TLK1: variants seen among roughly 807,000 people sequenced by gnomAD.
TLK1 encodes the protein serine/threonine-protein kinase tousled-like 1.
TLK1 carries 24 observed loss-of-function variants against 105.3 expected under a neutral mutation model. That is an observed-to-expected ratio of 0.23 (90% confidence interval 0.17 to 0.32). TLK1 has a LOEUF of 0.32. Among genes scored for constraint, TLK1 ranks in the 10% least tolerant of loss-of-function variants. TLK1 has a pLI of 1.00. For missense variants in TLK1, 558 were observed against 910.5 expected (o/e 0.61, Z 4.98); for synonymous variants, 321 against 310.4 (o/e 1.03, Z -0.36).
intron 3 of TLK1, among the ~76,000 whole-genome samples, chr2:171,081,473 G>A (rs1227444240): frequency 6.6e-6 from 1 of 152,108 alleles, no homozygotes; most frequent in Non-Finnish European, 1.5e-5. Context: ...AAAATATCAA[G>A]AAATGTTCCA....
chr2:171,208,901 C>T (rs1234615781), intron 1 of TLK1, among the ~76,000 whole-genome samples: 1 of 152,224 alleles, frequency 6.6e-6, no homozygotes, highest in Admixed American at 6.5e-5. Context: ...CTTAGCAATA[C>T]ATCTGTACTT....
intron 3 of TLK1, among the ~76,000 whole-genome samples, chr2:171,062,293 C>CT (rs1575564339): frequency 6.6e-6 from 1 of 152,226 alleles, no homozygotes; most frequent in East Asian, 1.9e-4. Context: ...TCTTACTAAA[C>CT]AACTTAAAAT....
chr2:171,075,371 T>A (rs977977877), intron 3 of TLK1, among the ~76,000 whole-genome samples: 1 of 152,144 alleles, frequency 6.6e-6, no homozygotes, highest in Non-Finnish European at 1.5e-5. Flanking sequence ...TAATTTAAGG[T>A]CAGTGGATAA....
intron 1 of TLK1, among the ~76,000 whole-genome samples, chr2:171,137,556 G>A (rs147701008): frequency 6.6e-6 from 1 of 151,962 alleles, no homozygotes; most frequent in Non-Finnish European, 1.5e-5. Flanking sequence ...TCAGTTTTAA[G>A]ATAAACTTTC....
chr2:171,044,458 G>C (rs866469495), intron 11 of TLK1, among the ~76,000 whole-genome samples: 8 of 152,088 alleles, frequency 5.3e-5, no homozygotes, highest in South Asian at 2.1e-4. Context: ...AGTAAATATA[G>C]TTTTGAACAG....
intron 12 of TLK1, among the ~76,000 whole-genome samples, chr2:171,015,700 T>TAC (rs1283801185): frequency 0.018 from 59 of 3,272 alleles, no homozygotes; most frequent in African/African-American, 0.03. Context: ...CACACACACA[T>TAC]ATACACACAC....
chr2:171,065,541 CT>C (rs34975890), intron 3 of TLK1, among the ~76,000 whole-genome samples: 113,768 of 140,284 alleles, frequency 0.81, 47,253 homozygotes, highest in East Asian at 0.99. Context: ...GCTATTCTTT[CT>C]TTTTTTTTTT....
intron 2 of TLK1, among the ~76,000 whole-genome samples, chr2:171,083,815 A>C (rs920811484): frequency 5.9e-5 from 9 of 152,214 alleles, no homozygotes; most frequent in African/African-American, 2.2e-4. Context: ...AGCTGCTGTC[A>C]ACAAAGGATA....
intron 13 of TLK1, among the ~76,000 whole-genome samples, chr2:171,013,510 T>C (rs1685030515): frequency 1.3e-5 from 2 of 151,866 alleles, no homozygotes; most frequent in South Asian, 4.2e-4. Context: ...TTTTCCACCT[T>C]GCTGAGGCTC....
At chr2:171,029,157 A>G (rs1685917946) in intron 11 of TLK1, among the ~76,000 whole-genome samples, 1 of 152,242 alleles carries the variant, frequency 6.6e-6, no homozygotes, top group African/African-American at 2.4e-5. Context: ...ATAGATTTGC[A>G]GGCCAAGTCA....
At chr2:170,997,975 T>C in intron 18 of TLK1, 152 bp from the exon 19 acceptor site, 7 of 488,940 alleles carry the variant, frequency 1.4e-5, no homozygotes, top group Non-Finnish European at 2.6e-5. Flanking sequence ...CTGGAGCATT[T>C]ACATTCTTTT....
intron 6 of TLK1, among the ~76,000 whole-genome samples, chr2:171,055,427 C>T (rs1417036962): frequency 6.6e-6 from 1 of 151,584 alleles, no homozygotes; most frequent in Non-Finnish European, 1.5e-5. Flanking sequence ...AGCTTACATT[C>T]TAGTGCCATA....
chr2:171,204,414 A>G (rs1332862239), intron 1 of TLK1, among the ~76,000 whole-genome samples: 1 of 152,216 alleles, frequency 6.6e-6, no homozygotes, highest in Admixed American at 6.5e-5. Context: ...ATAGGGAGAA[A>G]AATAAAGGTA....
chr2:171,188,722 A>G (rs562471922), intron 1 of TLK1, among the ~76,000 whole-genome samples: 71 of 151,336 alleles, frequency 4.7e-4, no homozygotes, highest in African/African-American at 9.4e-4. Context: ...AAAAAAAAAA[A>G]AAAGAAAATT....
intron 1 of TLK1, among the ~76,000 whole-genome samples, chr2:171,121,702 C>G (rs1239406157): frequency 6.6e-6 from 1 of 152,160 alleles, no homozygotes; most frequent in Non-Finnish European, 1.5e-5. Context: ...GACTTGATAA[C>G]TGGTTGATGG....
chr2:171,138,148 G>A (rs1691417048), intron 1 of TLK1, among the ~76,000 whole-genome samples: 2 of 152,088 alleles, frequency 1.3e-5, no homozygotes, highest in South Asian at 2.1e-4. Context: ...GTAATTTATC[G>A]TGTGAGCTTT....
At chr2:171,051,248 T>A (rs1687222839) in intron 8 of TLK1, among the ~76,000 whole-genome samples, 1 of 152,192 alleles carries the variant, frequency 6.6e-6, no homozygotes, top group Admixed American at 6.5e-5. Context: ...CCATGTATCA[T>A]GACTTAACAT....
chr2:171,131,594 T>C (rs1032837985), intron 1 of TLK1, among the ~76,000 whole-genome samples: 1 of 152,208 alleles, frequency 6.6e-6, no homozygotes, highest in Admixed American at 6.5e-5. Flanking sequence ...TATTTCTTCA[T>C]ATTTCTTCCC....
chr2:171,149,517 GT>G (rs1401547080), intron 1 of TLK1, among the ~76,000 whole-genome samples: 1 of 152,180 alleles, frequency 6.6e-6, no homozygotes, highest in African/African-American at 2.4e-5. Flanking sequence ...TGTCAACTAG[GT>G]CAGAGAAGTA....
Sources: gnomAD v4.1 joint callset for allele counts (sites outside exome capture counted in the v4.1 genomes callset) on GRCh38, gnomAD v4.1.1 for gene constraint, MANE v1.5 for transcripts, NCBI Gene and HGNC (gene_info 2026-07-23, HGNC 2026-07-21) for gene names.